Variants in RNF26 observed in about 807,000 individuals in gnomAD.
RNF26 encodes the protein ring finger protein 26.
A neutral mutation model predicts 25.4 loss-of-function variants in RNF26; 8 were observed. That is an observed-to-expected ratio of 0.31 (90% CI 0.18 to 0.57). The LOEUF is 0.57. Ranked by LOEUF, RNF26 falls within the 20% of genes least tolerant of loss-of-function variation. The pLI is 0.90. For missense variants in RNF26, 470 were observed against 552.0 expected (o/e 0.85, Z 1.49); for synonymous variants, 262 against 246.7 (o/e 1.06, Z -0.58).
In RNF26 at chr11:119,336,093, G is replaced by A. The variant is rs746864647; in HGVS notation, c.971G>A (p.Arg324Lys). The A allele has an allele frequency of 1.9e-6, 3 of 1,614,008 alleles. No homozygotes were observed. The highest frequency in any genetic ancestry group is 2.5e-6 in the Non-Finnish European group (3 of 1,180,052). The change falls in exon 1 of 1, where the codon AGA (arginine) becomes AAA (lysine). Residue 324 changes from arginine (R) to lysine (K), a missense_variant. Transcript: ENST00000311413. ...AGGGTATTCTCAGTTAGGACCCGGA[G>A]ACAGGACACTCTTCCTGAAGCGGGG... ...PMRVFSVRTRRQDTLPEAGRR... is the reference protein window; with the variant it reads ...PMRVFSVRTRKQDTLPEAGRR...
chr11:119,336,434 C>T lies in RNF26; in HGVS notation c.*10C>T. The T allele has an allele frequency of 1.2e-6, 2 of 1,601,684 alleles. No individual in the cohort carries two copies. The highest frequency in any genetic ancestry group is 1.1e-5 in the South Asian group (1 of 89,770). On this transcript the variant is annotated 3_prime_UTR_variant, in exon 1 of 1. Coordinates refer to ENST00000311413, the MANE Select transcript of RNF26 (RefSeq NM_032015.5). ...CAATGTCTACCTCTGAAGCCTCCTT[C>T]CCTGCCTGCCCACCCCTCCATGCTC...
chr11:119,337,240 C>T lies in RNF26; in HGVS notation c.*816C>T, dbSNP rs1225623886. 5.9e-6 allele frequency: 1 copy of T among 169,366 alleles called. No individual in the cohort carries two copies. The highest frequency in any genetic ancestry group is 2.4e-5 in the African/African-American group (1 of 41,534). 10.5% of individuals were successfully genotyped at this position (169,366 alleles called of 1,614,324 possible). On this transcript the variant is annotated 3_prime_UTR_variant, in exon 1 of 1. Coordinates refer to ENST00000311413, the MANE Select transcript of RNF26 (RefSeq NM_032015.5). ...GGTCCAAATACAGAAGGGCCCAGGG[C>T]CCAGGGGCTTGCAGCTTCGTGAGGG... is the stretch of plus-strand genomic sequence containing the variant.
rs889711386 is a variant in RNF26 at position 119,335,000 on chromosome 11, T to G, written c.-123T>G. 2.7e-5 allele frequency: 19 copies of G among 711,438 alleles called. No individual in the cohort carries two copies. The African/African-American group carries it at 3.2e-4, about 12-fold the overall frequency. 44.1% of individuals were successfully genotyped at this position (711,438 alleles called of 1,614,324 possible). On this transcript the variant is annotated 5_prime_UTR_variant, in exon 1 of 1. Transcript: ENST00000311413. ...TCTTCCTCAGATTCTTGGTACCCCC[T>G]GGGTTGGAGACTGCTCATTTTCCTT... is the stretch of plus-strand genomic sequence containing the variant.
At position 119,336,678 on chromosome 11, in the gene RNF26, T is replaced by C. The variant is rs1436685331; in HGVS notation, c.*254T>C. 1.8e-6 allele frequency: 1 copy of C among 544,842 alleles called. No individual in the cohort carries two copies. Among genetic ancestry groups the C allele is most frequent in the African/African-American group, 1.9e-5 (1 of 52,822 alleles). 33.8% of individuals were successfully genotyped at this position (544,842 alleles called of 1,614,324 possible). A position where few individuals can be genotyped will look rare whatever the true frequency, so the allele number is the denominator to read the frequency against. ...TCACTATGCAAGGGCCCTGAGACTATTTGCTGTGGGCTCTCCTCCAGCCTG... is the reference window on the plus strand; with the variant it reads ...TCACTATGCAAGGGCCCTGAGACTACTTGCTGTGGGCTCTCCTCCAGCCTG... On this transcript the variant is annotated 3_prime_UTR_variant, in exon 1 of 1. Transcript: ENST00000311413.
rs745741453 is a variant in RNF26 at position 119,335,428 on chromosome 11, C to T, written c.306C>T (p.His102=). The change falls in exon 1 of 1, where the codon CAC becomes CAT. Residue 102 remains histidine, a synonymous_variant. Coordinates refer to ENST00000311413, the MANE Select transcript of RNF26 (RefSeq NM_032015.5). ...TAGAGAGCCTAAAGCTCCTGGGGCA[C>T]CTGGCCTCTCATGGGGCACTGCGGA... is the stretch of plus-strand genomic sequence containing the variant. The part of the protein sequence containing the change: ...SGLESLKLLG[H]LASHGALRSR... 1.1e-5 allele frequency: 18 copies of T among 1,614,114 alleles called. No individual in the cohort carries two copies. The highest frequency in any genetic ancestry group is 1.5e-5 in the Non-Finnish European group (18 of 1,179,970).
In RNF26 at chr11:119,336,553, C is replaced by G; in HGVS notation, c.*129C>G. 1 of 763,948 alleles carries G rather than the reference C, an allele frequency of 1.3e-6. No homozygotes were observed. Among genetic ancestry groups the G allele is most frequent in the South Asian group, 1.8e-5 (1 of 55,426 alleles). 47.3% of individuals were successfully genotyped at this position (763,948 alleles called of 1,614,324 possible). A position where few individuals can be genotyped will look rare whatever the true frequency, so the allele number is the denominator to read the frequency against. ...CCCCTGTGGCCATCCTGCCATACATCCAGGACATTGAGTTGGAAGACTATG... is the reference window on the plus strand; with the variant it reads ...CCCCTGTGGCCATCCTGCCATACATGCAGGACATTGAGTTGGAAGACTATG... On this transcript the variant is annotated 3_prime_UTR_variant, in exon 1 of 1. Transcript: ENST00000311413.
Position 119,336,590 on chromosome 11 carries a change from G to A in RNF26, c.*166G>A. The A allele has an allele frequency of 1.5e-6, 1 of 654,890 alleles. No individual in the cohort carries two copies. 40.6% of individuals were successfully genotyped at this position (654,890 alleles called of 1,614,324 possible). ...GTTGGAAGACTATGATCTGGGTGGG[G>A]GCAGGATAACATGGCTTCTCTTTAC... On this transcript the variant is annotated 3_prime_UTR_variant, in exon 1 of 1. Coordinates refer to ENST00000311413, the MANE Select transcript of RNF26 (RefSeq NM_032015.5).
chr11:119,335,277 C>T lies in RNF26; in HGVS notation c.155C>T (p.Thr52Ile), dbSNP rs199972614. Residue 52 changes from threonine (T) to isoleucine (I), a missense_variant, in exon 1 of 1, where the codon ACT (threonine) becomes ATT (isoleucine). Thr to Ile is a moderately conservative substitution (Grantham distance 89). Coordinates refer to ENST00000311413, the MANE Select transcript of RNF26 (RefSeq NM_032015.5). ...FVYNLPHTVL[T>I]SLLHLGRGVL... ...TACAACCTGCCGCACACGGTACTGACTAGTCTTCTGCACTTGGGCCGCGGA... is the reference window on the plus strand; with the variant it reads ...TACAACCTGCCGCACACGGTACTGATTAGTCTTCTGCACTTGGGCCGCGGA... The T allele has an allele frequency of 1.4e-4, 218 of 1,614,090 alleles. No homozygotes were observed. The highest frequency in any genetic ancestry group is 3.0e-5 in the Non-Finnish European group (35 of 1,180,042).
Position 119,335,069 on chromosome 11 carries a change from A to G in RNF26, c.-54A>G, listed in dbSNP as rs1950431695. On this transcript the variant is annotated 5_prime_UTR_variant, in exon 1 of 1. Transcript: ENST00000311413. ...CCCTAAAATATTGACAACCTTGACA[A>G]CCCCCCAACCGAGGAGCCAGACTTT... 14 of 1,428,694 alleles carry G rather than the reference A, an allele frequency of 9.8e-6. No individual in the cohort carries two copies. Among genetic ancestry groups the G allele is most frequent in the East Asian group, 2.3e-5 (1 of 43,716 alleles). The allele number at this position is 1,428,694 out of a possible 1,614,324, so 88.5% of individuals were successfully genotyped here. A position where few individuals can be genotyped will look rare whatever the true frequency, so the allele number is the denominator to read the frequency against.
rs1950437326 is a variant in RNF26 at position 119,335,822 on chromosome 11, C to G, written c.700C>G (p.Leu234Val). The G allele has an allele frequency of 1.2e-6, 2 of 1,612,432 alleles. No homozygotes were observed. The highest frequency in any genetic ancestry group is 1.7e-6 in the Non-Finnish European group (2 of 1,179,998). ...TGTCAATCTCACTGGCTTGGTGTTGCTAGCTTGTGTGCTGGCAGTGACGGT... is the reference window on the plus strand; with the variant it reads ...TGTCAATCTCACTGGCTTGGTGTTGGTAGCTTGTGTGCTGGCAGTGACGGT... The part of the protein sequence containing the change: ...VLVNLTGLVL[L>V]ACVLAVTVTV... Residue 234 changes from leucine (L) to valine (V), a missense_variant, in exon 1 of 1, where the codon CTA becomes GTA. Physicochemically the swap from Leu to Val is conservative, Grantham distance 32. Transcript: ENST00000311413.
chr11:119,335,259 T>A lies in RNF26; in HGVS notation c.137T>A (p.Leu46Gln). The change falls in exon 1 of 1, where the codon CTG becomes CAG. Residue 46 changes from leucine (L) to glutamine (Q), a missense_variant. By Grantham distance (113) the Leu-to-Gln change is moderately radical. Coordinates refer to ENST00000311413, the MANE Select transcript of RNF26 (RefSeq NM_032015.5). ...LAWLLAFVYN[L>Q]PHTVLTSLLH... ...TGGCTCCTGGCCTTCGTCTACAACC[T>A]GCCGCACACGGTACTGACTAGTCTT... is the stretch of plus-strand genomic sequence containing the variant. The A allele has an allele frequency of 6.2e-7, 1 of 1,614,192 alleles. No individual in the cohort carries two copies.
rs1950436310 is a variant in RNF26 at position 119,335,674 on chromosome 11, G to A, written c.552G>A (p.Val184=). The part of the protein sequence containing the change: ...TGPLWRMTDV[V]AAFLAHISSS... ...CTCTGTGGAGGATGACGGACGTAGT[G>A]GCTGCCTTCCTAGCCCACATTTCCA... Residue 184 remains valine (V), a synonymous_variant, in exon 1 of 1, where the codon GTG becomes GTA. Transcript: ENST00000311413. The A allele has an allele frequency of 6.2e-7, 1 of 1,613,968 alleles. No individual in the cohort carries two copies. Among genetic ancestry groups the A allele is most frequent in the African/African-American group, 1.3e-5 (1 of 74,936 alleles).
chr11:119,335,859 A>C lies in RNF26; in HGVS notation c.737A>C (p.His246Pro). The C allele has an allele frequency of 6.2e-7, 1 of 1,610,130 alleles. No homozygotes were observed. The highest frequency in any genetic ancestry group is 1.1e-5 in the South Asian group (1 of 91,084). ...CTGGCAGTGACGGTGACTGTGTTGC[A>C]TCCGGACTTCACCCTGAGGCTGGCT... ...CVLAVTVTVL[H>P]PDFTLRLATQ... Residue 246 changes from histidine to proline, a missense_variant, in exon 1 of 1, where the codon CAT (histidine) becomes CCT (proline). Physicochemically the swap from His to Pro is moderately conservative, Grantham distance 77 (BLOSUM62 -2). Transcript: ENST00000311413.
At position 119,336,327 on chromosome 11, in the gene RNF26, AG is replaced by A; in HGVS notation, c.1207del (p.Ala403ProfsTer6). On this transcript the variant is annotated frameshift_variant, in exon 1 of 1. Coordinates refer to ENST00000311413, the MANE Select transcript of RNF26 (RefSeq NM_032015.5). LOFTEE classifies it high-confidence loss of function. The part of the protein sequence containing the change: ...LLPCRHLCLC[Q>X]ACTEILMRHP... ...CCCTGCCGGCATCTGTGCCTGTGCCAGGCCTGCACTGAAATCCTGATGCGCC... is the reference window on the plus strand; with the variant it reads ...CCCTGCCGGCATCTGTGCCTGTGCCAGCCTGCACTGAAATCCTGATGCGCC... The A allele has an allele frequency of 6.2e-7, 1 of 1,613,000 alleles. No homozygotes were observed. The highest frequency in any genetic ancestry group is 8.5e-7 in the Non-Finnish European group (1 of 1,180,020).
Position 119,336,682 on chromosome 11 carries a change from C to A in RNF26, c.*258C>A. ...TATGCAAGGGCCCTGAGACTATTTG[C>A]TGTGGGCTCTCCTCCAGCCTGCCCA... On this transcript the variant is annotated 3_prime_UTR_variant, in exon 1 of 1. Coordinates refer to ENST00000311413, the MANE Select transcript of RNF26 (RefSeq NM_032015.5). The A allele has an allele frequency of 1.8e-6, 1 of 541,252 alleles. No individual in the cohort carries two copies. Among genetic ancestry groups the A allele is most frequent in the Non-Finnish European group, 3.4e-6 (1 of 295,712 alleles). 33.5% of individuals were successfully genotyped at this position (541,252 alleles called of 1,614,324 possible). A position where few individuals can be genotyped will look rare whatever the true frequency, so the allele number is the denominator to read the frequency against.
rs750449593 is a variant in RNF26, at chr11:119,336,351, G to C, written c.1229G>C (p.Arg410Pro). Residue 410 changes from arginine to proline, a missense_variant, in exon 1 of 1, where the codon CGC becomes CCC. By Grantham distance (103) the Arg-to-Pro change is moderately radical. Transcript: ENST00000311413. ...CAGGCCTGCACTGAAATCCTGATGC[G>C]CCACCCCGTCTACCACCGCAATTGC... ...LCQACTEILM[R>P]HPVYHRNCPL... The C allele has an allele frequency of 1.2e-6, 2 of 1,611,836 alleles. No homozygotes were observed. The highest frequency in any genetic ancestry group is 1.3e-5 in the African/African-American group (1 of 74,910).
Position 119,335,048 on chromosome 11 carries a change from A to C in RNF26, c.-75A>C. ...CTTCCAAATTAATCCCAGACCCCCT[A>C]AAATATTGACAACCTTGACAACCCC... On this transcript the variant is annotated 5_prime_UTR_variant, in exon 1 of 1. Transcript: ENST00000311413. The C allele has an allele frequency of 8.3e-7, 1 of 1,204,786 alleles. No individual in the cohort carries two copies. The highest frequency in any genetic ancestry group is 1.2e-6 in the Non-Finnish European group (1 of 837,418). 74.6% of individuals were successfully genotyped at this position (1,204,786 alleles called of 1,614,324 possible). A position where few individuals can be genotyped will look rare whatever the true frequency, so the allele number is the denominator to read the frequency against.
Position 119,336,147 on chromosome 11 carries a change from C to T in RNF26, c.1025C>T (p.Ala342Val). Reference sequence around the variant, plus strand: ...AGATCAGAGGCAGAAGAGGAGGAGGCCAGGACCATCAGAGTGACACCTGTC... The same window carrying T: ...AGATCAGAGGCAGAAGAGGAGGAGGTCAGGACCATCAGAGTGACACCTGTC... Reference protein sequence around the residue: ...GRRSEAEEEEARTIRVTPVRG... With the variant: ...GRRSEAEEEEVRTIRVTPVRG... The change falls in exon 1 of 1, where the codon GCC becomes GTC. Residue 342 changes from alanine (A) to valine (V), a missense_variant. Ala to Val is a moderately conservative substitution (Grantham distance 64). Transcript: ENST00000311413. 6.2e-7 allele frequency: 1 copy of T among 1,614,164 alleles called. No homozygotes were observed.
Position 119,336,047 on chromosome 11 carries a change from G to A in RNF26, c.925G>A (p.Ala309Thr). The change falls in exon 1 of 1, where the codon GCT becomes ACT. Residue 309 changes from alanine to threonine, a missense_variant. Physicochemically the swap from Ala to Thr is moderately conservative, Grantham distance 58. Transcript: ENST00000311413. ...GCCAAACCGGGGAGGGGCACCTGGA[G>A]CTCCCCAGGGTGACCCTATGAGGGT... ...SWPNRGGAPG[A>T]PQGDPMRVFS... is the part of the protein sequence containing the mutation. 3 of 1,613,854 alleles carry A rather than the reference G, an allele frequency of 1.9e-6. No individual in the cohort carries two copies. Among genetic ancestry groups the A allele is most frequent in the Non-Finnish European group, 2.5e-6 (3 of 1,180,008 alleles).
Sources: gnomAD v4.1 joint callset for allele counts on GRCh38, gnomAD v4.1.1 for gene constraint, MANE v1.5 for transcripts, NCBI Gene and HGNC (gene_info 2026-07-23, HGNC 2026-07-21) for gene names.